Variants in PSD2 observed in about 807,000 individuals in gnomAD.
PSD2 encodes the protein PH and SEC7 domain-containing protein 2.
PSD2 carries 38 observed loss-of-function variants against 69.8 expected under a neutral mutation model. That is an observed-to-expected ratio of 0.54 (90% CI 0.42 to 0.71). The LOEUF (loss-of-function observed/expected upper bound fraction) is 0.71. PSD2 is among the 30% of genes least tolerant of loss of function. The pLI, the probability that PSD2 is intolerant of heterozygous loss-of-function variation, is 0.00. For missense variants in PSD2, 943 were observed against 1,014.5 expected, an observed-to-expected ratio of 0.93 and a Z score of 0.96; for synonymous variants, 412 against 423.0, an observed-to-expected ratio of 0.97 and a Z score of 0.32.
At chr5:139,770,037 C>A in the PSD2 span, among the ~76,000 whole-genome samples, 2 of 152,188 alleles carry the variant, frequency 1.3e-5, no homozygotes, top group African/African-American at 4.8e-5. Flanking sequence ...GGGTGTCATG[C>A]GGGCCGGCTG....
the PSD2 span, among the ~76,000 whole-genome samples, chr5:139,768,636 T>A: frequency 6.6e-6 from 1 of 151,724 alleles, no homozygotes; most frequent in South Asian, 2.1e-4. Context: ...GGCAGGAGAA[T>A]TGCTTGAACC....
chr5:139,764,886 G>C, the PSD2 span, among the ~76,000 whole-genome samples: 5 of 152,158 alleles, frequency 3.3e-5, no homozygotes, highest in Non-Finnish European at 7.4e-5. Flanking sequence ...CTGGCGAAGG[G>C]ACATTTCTGA....
chr5:139,817,484 C>G lies in PSD2; in HGVS notation c.1020C>G (p.Asn340Lys). The G allele has an allele frequency of 1.9e-6, 3 of 1,613,872 alleles. No individual in the cohort carries two copies. The highest frequency in any genetic ancestry group is 2.5e-6 in the Non-Finnish European group (3 of 1,179,772). Residue 340 changes from asparagine (N) to lysine (K), a missense_variant, in exon 5 of 15, where the codon AAC becomes AAG. Around this residue, in one of 3 missense-constraint regions of PSD2, gnomAD observed 312 missense variants for 400.7 expected, o/e 0.78. Transcript: ENST00000274710. ...ACATCCCATACTCTCCTGGCAGCAA[C>G]GAGTTTAGCAGGCTGGTGGCCGGGG... is the stretch of plus-strand genomic sequence containing the variant. ...CDVARQLGKN[N>K]EFSRLVAGEY...
chr5:139,822,880 C>G, intron 7 of PSD2, 96 bp downstream of exon 7: 1 of 1,128,878 alleles, frequency 8.9e-7, no homozygotes, highest in Non-Finnish European at 1.2e-6. Context: ...ACTCAGTGGC[C>G]GGGCTTCTTT....
intron 7 of PSD2, among the ~76,000 whole-genome samples, chr5:139,827,784 C>T (rs1326321977): frequency 6.6e-6 from 1 of 152,204 alleles, no homozygotes; most frequent in Non-Finnish European, 1.5e-5. Flanking sequence ...ACCATCAGAT[C>T]TGCTGAGAAC....
At chr5:139,829,510 G>A (rs1760515240) in intron 7 of PSD2, among the ~76,000 whole-genome samples, 1 of 152,054 alleles carries the variant, frequency 6.6e-6, no homozygotes, top group Non-Finnish European at 1.5e-5. Flanking sequence ...CCTCCACCTG[G>A]CCCCTGGCTA....
the PSD2 span, among the ~76,000 whole-genome samples, chr5:139,787,118 C>T: frequency 6.6e-6 from 1 of 152,198 alleles, no homozygotes; most frequent in South Asian, 2.1e-4. Context: ...AGGCTGAGCA[C>T]ATGGAGGGCA....
At chr5:139,781,199 T>C in the PSD2 span, among the ~76,000 whole-genome samples, 1 of 152,152 alleles carries the variant, frequency 6.6e-6, no homozygotes, top group Non-Finnish European at 1.5e-5. Context: ...CCTCTAGAGA[T>C]CTCCTTTTGC....
At chr5:139,800,646 T>C (rs918667796) in intron 1 of PSD2, among the ~76,000 whole-genome samples, 15 of 152,126 alleles carry the variant, frequency 9.9e-5, no homozygotes, top group Non-Finnish European at 1.6e-4. Flanking sequence ...TTTGAGAAAA[T>C]ATAAGCAGTC....
intron 1 of PSD2, among the ~76,000 whole-genome samples, chr5:139,799,314 T>C (rs1241733902): frequency 1.3e-5 from 2 of 152,022 alleles, no homozygotes; most frequent in Non-Finnish European, 2.9e-5. Flanking sequence ...TGCTGGAGAA[T>C]AGAGAAGCAG....
chr5:139,795,568 C>T (rs2126917808), upstream of PSD2, among the ~76,000 whole-genome samples: 1 of 151,550 alleles, frequency 6.6e-6, no homozygotes, highest in South Asian at 2.1e-4. This position sits in a 1 kb window ranked among gnomAD's most constrained non-coding sequence, Gnocchi z 4.5. Context: ...GCGCTCCCCT[C>T]CCCCCCTTTC....
intron 1 of PSD2, among the ~76,000 whole-genome samples, chr5:139,799,879 C>A (rs1297888409): frequency 6.6e-6 from 1 of 152,066 alleles, no homozygotes; most frequent in Non-Finnish European, 1.5e-5. Flanking sequence ...TGAGCTTGTG[C>A]AATGGCTTGG....
chr5:139,767,641 T>C, the PSD2 span, among the ~76,000 whole-genome samples: 2 of 152,178 alleles, frequency 1.3e-5, no homozygotes, highest in African/African-American at 4.8e-5. Context: ...GCATCAGTTT[T>C]CTTATTTATA....
chr5:139,789,996 G>C, the PSD2 span, among the ~76,000 whole-genome samples: 5 of 152,086 alleles, frequency 3.3e-5, no homozygotes, highest in Admixed American at 2.6e-4. Flanking sequence ...CACGGGGCCG[G>C]GCGGGCGCTG....
At chr5:139,748,122 C>T in the PSD2 span, among the ~76,000 whole-genome samples, 14 of 152,224 alleles carry the variant, frequency 9.2e-5, no homozygotes, top group South Asian at 2.5e-3. Flanking sequence ...TTCACGTGAC[C>T]CCCGGGGCCC....
intron 2 of PSD2, among the ~76,000 whole-genome samples, chr5:139,810,061 TG>T (rs1249389823): frequency 2.0e-5 from 3 of 148,170 alleles, no homozygotes; most frequent in African/African-American, 7.4e-5. Context: ...TTGCAGGGGG[TG>T]GGGGGTGCTG....
Position 139,821,886 on chromosome 5 carries a change from C to T in PSD2, c.1098-7C>T, listed in dbSNP as rs780925833. On this transcript the variant is annotated splice_polypyrimidine_tract_variant and splice_region_variant and intron_variant, in intron 5 of 14. Coordinates refer to ENST00000274710, the MANE Select transcript of PSD2 (RefSeq NM_032289.4). ...ACTGCCCTCAGCAGCTTTGAATTGC[C>T]TTCCAGAACATTCTTGAAGGCCTTC... is the stretch of plus-strand genomic sequence containing the variant. 1.1e-5 allele frequency: 17 copies of T among 1,589,446 alleles called. No individual in the cohort carries two copies. The highest frequency in any genetic ancestry group is 1.5e-5 in the Non-Finnish European group (17 of 1,162,786).
At chr5:139,789,976 CAGAGA>C in the PSD2 span, among the ~76,000 whole-genome samples, 1 of 151,788 alleles carries the variant, frequency 6.6e-6, no homozygotes, top group African/African-American at 2.4e-5. Flanking sequence ...GTGTTTTAGG[CAGAGA>C]GCAGCACGGG....
In PSD2 at chr5:139,804,967, G is replaced by A. The variant is rs192957601; in HGVS notation, c.-50-4424G>A. 1.7e-3 allele frequency among the ~76,000 whole-genome samples: 255 copies of A among 150,612 alleles called. 2 individuals are homozygous for A. Among genetic ancestry groups the A allele is most frequent in the African/African-American group, 5.6e-3 (226 of 40,656 alleles). ...TGCACGTGTGCGTGTGTATGTGTGC[G>A]TGTGTGCGTGCGTGTGTGCATGTGT... is the stretch of plus-strand genomic sequence containing the variant. On this transcript the variant is annotated intron_variant, in intron 1 of 14. Coordinates refer to ENST00000274710, the MANE Select transcript of PSD2 (RefSeq NM_032289.4).
Sources: gnomAD v4.1 joint callset for allele counts (sites outside exome capture counted in the v4.1 genomes callset) on GRCh38, gnomAD v4.1.1 for gene constraint, gnomAD v4.1.1 regional missense constraint, Gnocchi (gnomAD v3.1) non-coding constraint, MANE v1.5 for transcripts, NCBI Gene and HGNC (gene_info 2026-07-23, HGNC 2026-07-21) for gene names.